The following RREB1 variants were observed in gnomAD, a reference collection of about 807,000 sequenced individuals.
The protein encoded by RREB1 is ras responsive element binding protein 1.
Under a neutral mutation model 117.8 loss-of-function variants are expected in RREB1, and 27 were observed. The observed-to-expected ratio is 0.23, with a 90% CI of 0.17 to 0.32. The LOEUF (loss-of-function observed/expected upper bound fraction) is 0.32. RREB1 is among the 10% of genes least tolerant of loss of function. The pLI is 1.00. For missense variants in RREB1, 2,577 were observed against 2,378.2 expected, an observed-to-expected ratio of 1.08 and a Z score of -1.74; for synonymous variants, 1,298 against 1,026.7, an observed-to-expected ratio of 1.26 and a Z score of -5.05.
At chr6:7,148,725 T>G (rs536157946) in intron 1 of RREB1, among the ~76,000 whole-genome samples, 6 of 152,314 alleles carry the variant, frequency 3.9e-5, no homozygotes, top group African/African-American at 1.2e-4. Context: ...GAGTTTTATA[T>G]GGAAAATTAA....
At chr6:7,126,907 T>G (rs1250150158) in intron 1 of RREB1, among the ~76,000 whole-genome samples, 1 of 152,028 alleles carries the variant, frequency 6.6e-6, no homozygotes, top group East Asian at 1.9e-4. Flanking sequence ...CAAGGACAAG[T>G]GGAGGGGCCT....
intron 1 of RREB1, among the ~76,000 whole-genome samples, chr6:7,160,655 G>A (rs966161631): frequency 6.6e-6 from 1 of 151,060 alleles, no homozygotes. Flanking sequence ...GATTACAGGC[G>A]CACAACACCA....
chr6:7,188,289 C>T (rs970393589), intron 5 of RREB1, among the ~76,000 whole-genome samples: 10 of 151,790 alleles, frequency 6.6e-5, no homozygotes, highest in Admixed American at 2.0e-4. Flanking sequence ...CTCGTTCTGT[C>T]GCCCAGGCTG....
intron 6 of RREB1, among the ~76,000 whole-genome samples, chr6:7,200,524 C>A (rs1765911353): frequency 6.6e-6 from 1 of 152,174 alleles, no homozygotes; most frequent in Non-Finnish European, 1.5e-5. Context: ...CCACCTCAGC[C>A]TCCCAAAGTG....
intron 6 of RREB1, among the ~76,000 whole-genome samples, chr6:7,202,167 T>G (rs113163033): frequency 3.0e-4 from 46 of 152,288 alleles, no homozygotes; most frequent in African/African-American, 1.1e-3. Context: ...TTCACTACGC[T>G]GCTTCTTGCA....
At chr6:7,180,278 G>GT (rs1764722172) in intron 2 of RREB1, among the ~76,000 whole-genome samples, 2 of 152,114 alleles carry the variant, frequency 1.3e-5, no homozygotes, top group African/African-American at 4.8e-5. Context: ...GGTACTGCAG[G>GT]TTTGTAGCTG....
At chr6:7,195,289 T>G (rs1233634145) in intron 6 of RREB1, among the ~76,000 whole-genome samples, 1 of 152,230 alleles carries the variant, frequency 6.6e-6, no homozygotes, top group African/African-American at 2.4e-5. Flanking sequence ...AAAGAACATT[T>G]GGGTTTTGGT....
At chr6:7,202,772 G>A (rs568433980) in intron 6 of RREB1, among the ~76,000 whole-genome samples, 2 of 152,158 alleles carry the variant, frequency 1.3e-5, no homozygotes, top group African/African-American at 4.8e-5. Flanking sequence ...AGGCCTGTCC[G>A]TGGGAAATGA....
intron 9 of RREB1, among the ~76,000 whole-genome samples, chr6:7,227,128 G>A (rs1209377743): frequency 6.6e-6 from 1 of 152,024 alleles, no homozygotes; most frequent in Non-Finnish European, 1.5e-5. Context: ...AGTAGTCCCA[G>A]CTACTTGGGA....
At position 7,230,587 on chromosome 6, in the gene RREB1, G is replaced by A. The variant is rs113840136; in HGVS notation, c.2488G>A (p.Gly830Ser). Residue 830 changes from glycine to serine, a missense_variant, in exon 10 of 13, where the codon GGC (glycine) becomes AGC (serine). Gly to Ser is a moderately conservative substitution (Grantham distance 56). Coordinates refer to ENST00000379938, the MANE Select transcript of RREB1 (RefSeq NM_001003699.4). Reference sequence around the variant, plus strand: ...CGAGAGCTACGTGCTGGCCGCCGACGGCCTGGGCCCCGCAGAGGCGCCGGC... The same window carrying A: ...CGAGAGCTACGTGCTGGCCGCCGACAGCCTGGGCCCCGCAGAGGCGCCGGC... ...DIESYVLAAD[G>S]LGPAEAPAAE... 6.9e-6 allele frequency: 11 copies of A among 1,603,950 alleles called. No homozygotes were observed. Among genetic ancestry groups the A allele is most frequent in the African/African-American group, 2.7e-5 (2 of 74,898 alleles).
At position 7,229,350 on chromosome 6, in the gene RREB1, T is replaced by A; in HGVS notation, c.1251T>A (p.Ala417=). ...TGCTGAGCCTGTCACCTTTCGAAGC[T>A]GCTTCCCTAGGCGGTTCTCTCACAG... The part of the protein sequence containing the change: ...TNLLSLSPFE[A]ASLGGSLTVL... The change falls in exon 10 of 13, where the codon GCT becomes GCA. Residue 417 remains alanine (A), a synonymous_variant. Coordinates refer to ENST00000379938, the MANE Select transcript of RREB1 (RefSeq NM_001003699.4). The surrounding 1 kb of genome is among the most constrained non-coding windows in gnomAD (Gnocchi z 4.5). The A allele has an allele frequency of 6.2e-7, 1 of 1,614,216 alleles. No individual in the cohort carries two copies. Among genetic ancestry groups the A allele is most frequent in the Non-Finnish European group, 8.5e-7 (1 of 1,180,032 alleles).
At position 7,248,827 on chromosome 6, in the gene RREB1, G is replaced by A. The variant is rs376629401; in HGVS notation, c.5088G>A (p.Pro1696=). 36 of 1,612,432 alleles carry A rather than the reference G, an allele frequency of 2.2e-5. No homozygotes were observed. In the East Asian group the frequency reaches 3.1e-4, roughly 14 times the overall value. ...HREEKVTAGW[P]SEPGQGDLNP... is the part of the protein sequence containing the mutation. ...AGGAGAAGGTCACGGCAGGGTGGCC[G>A]TCTGAGCCTGGCCAGGGTGACCTTA... The change falls in exon 13 of 13, where the codon CCG becomes CCA. Residue 1696 remains proline (P), a synonymous_variant. Coordinates refer to ENST00000379938, the MANE Select transcript of RREB1 (RefSeq NM_001003699.4).
intron 1 of RREB1, among the ~76,000 whole-genome samples, chr6:7,118,615 C>T (rs940424656): frequency 6.6e-6 from 1 of 151,978 alleles, no homozygotes; most frequent in African/African-American, 2.4e-5. Flanking sequence ...GCTTAACTTG[C>T]GTGTCTCTGA....
intron 6 of RREB1, among the ~76,000 whole-genome samples, chr6:7,199,661 TG>T (rs1280230974): frequency 6.6e-6 from 1 of 151,928 alleles, no homozygotes; most frequent in Non-Finnish European, 1.5e-5. Context: ...GTGATTTTTT[TG>T]TTTTGTTTTG....
In RREB1 at chr6:7,246,569, G is replaced by T. The variant is rs368960991; in HGVS notation, c.4119G>T (p.Thr1373=). 1.9e-6 allele frequency: 3 copies of T among 1,549,664 alleles called. No individual in the cohort carries two copies. The highest frequency in any genetic ancestry group is 1.4e-5 in the African/African-American group (1 of 73,286). The change falls in exon 12 of 13, where the codon ACG becomes ACT. Residue 1373 remains threonine, a synonymous_variant. Coordinates refer to ENST00000379938, the MANE Select transcript of RREB1 (RefSeq NM_001003699.4). ...CTGTGGAGCAGGCCACGGCGGAAAC[G>T]GCCTCGCCGGTGCACCGGGAAGAGC... ...DAPVEQATAE[T]ASPVHREEHG...
chr6:7,218,570 C>T (rs1271489406), intron 8 of RREB1: 2 of 152,120 alleles, frequency 1.3e-5, no homozygotes, highest in Non-Finnish European at 2.9e-5. Context: ...TGGGCATGCA[C>T]CCTGCCCATT....
At chr6:7,117,830 G>C (rs1348414733) in intron 1 of RREB1, among the ~76,000 whole-genome samples, 1 of 151,980 alleles carries the variant, frequency 6.6e-6, no homozygotes. Flanking sequence ...TCCTACCTCA[G>C]CCTCCCAAAG....
chr6:7,167,026 C>T (rs924170216), intron 1 of RREB1, among the ~76,000 whole-genome samples: 1 of 152,216 alleles, frequency 6.6e-6, no homozygotes, highest in Non-Finnish European at 1.5e-5. Flanking sequence ...AGAACACTCC[C>T]ATTTCTACCA....
rs377519912 is a variant in RREB1, at chr6:7,231,589, C to G, written c.3490C>G (p.Arg1164Gly). ...GRKRGMRSRP[R>G]ANSGGVDLDS... is the part of the protein sequence containing the mutation. ...GAAAAGGGGGATGAGGAGCCGACCC[C>G]GCGCCAACAGCGGCGGGGTGGACCT... is the stretch of plus-strand genomic sequence containing the variant. The change falls in exon 10 of 13, where the codon CGC becomes GGC. Residue 1164 changes from arginine (R) to glycine (G), a missense_variant. Physicochemically the swap from Arg to Gly is moderately radical, Grantham distance 125. Transcript: ENST00000379938. The G allele has an allele frequency of 6.2e-7, 1 of 1,611,914 alleles. No individual in the cohort carries two copies. Among genetic ancestry groups the G allele is most frequent in the African/African-American group, 1.3e-5 (1 of 75,004 alleles).
Sources: gnomAD v4.1 joint callset for allele counts (sites outside exome capture counted in the v4.1 genomes callset) on GRCh38, gnomAD v4.1.1 for gene constraint, Gnocchi (gnomAD v3.1) non-coding constraint, MANE v1.5 for transcripts, NCBI Gene and HGNC (gene_info 2026-07-23, HGNC 2026-07-21) for gene names.